LPA: variants seen among roughly 807,000 people sequenced by gnomAD.
LPA encodes the protein lipoprotein(a), also known as apolipoprotein(a).
In LPA, 199 loss-of-function variants were observed where a neutral mutation model predicts 197.9. That is an observed-to-expected ratio of 1.01 (90% CI 0.90 to 1.13). The LOEUF (loss-of-function observed/expected upper bound fraction) is 1.13, where lower values mean the gene tolerates loss of function less well. LPA is among the 50% of genes most tolerant of loss of function. LPA has a pLI of 0.00. For missense variants in LPA, 1,853 were observed against 1,785.8 expected (o/e 1.04, Z -0.68); for synonymous variants, 715 against 639.5 (o/e 1.12, Z -1.78).
Position 160,531,586 on chromosome 6 carries a change from AC to A in LPA, c.*142del. The stretch of plus-strand genomic sequence containing the variant: ...ACCTTAAAAGCTTATACACAAAAAT[AC>A]CAAAAATGCCAAGGTTTGGCATAGC... On this transcript the variant is annotated 3_prime_UTR_variant, in exon 39 of 39. Coordinates refer to ENST00000316300, the MANE Select transcript of LPA (RefSeq NM_005577.4). 9.0e-7 allele frequency: 1 copy of A among 1,116,192 alleles called. No homozygotes were observed. The highest frequency in any genetic ancestry group is 1.4e-5 in the South Asian group (1 of 73,946). The allele number at this position is 1,116,192 out of a possible 1,614,324, so 69.1% of individuals were successfully genotyped here. A position where few individuals can be genotyped will look rare whatever the true frequency, so the allele number is the denominator to read the frequency against.
chr6:160,575,773 C>A (rs902266784), intron 28 of LPA, among the ~76,000 whole-genome samples: 1 of 152,124 alleles, frequency 6.6e-6, no homozygotes, highest in Non-Finnish European at 1.5e-5. Context: ...TTATTCTTTC[C>A]CCAGTAGCTG....
intron 2 of LPA, 87 bp downstream of exon 2, chr6:160,650,251 A>C: frequency 1.5e-6 from 2 of 1,371,056 alleles, no homozygotes; most frequent in South Asian, 1.2e-5. Context: ...GAAAAATTTA[A>C]TCATAAGAAG....
In LPA at chr6:160,584,920, G is replaced by C. The variant is rs1778878152; in HGVS notation, c.4289+126C>G. On this transcript the variant is annotated intron_variant, in intron 26 of 38. Coordinates refer to ENST00000316300, the MANE Select transcript of LPA (RefSeq NM_005577.4). ...TTTTGCTCAAAAGTAAGTTTCCTGA[G>C]ACATTTTGCTACAAACTCTGAGTCT... The C allele has an allele frequency of 9.3e-6, 9 of 969,156 alleles. No homozygotes were observed. In the Admixed American group the frequency reaches 1.6e-4, roughly 17 times the overall value. The allele number at this position is 969,156 out of a possible 1,614,324, so 60.0% of individuals were successfully genotyped here. A position where few individuals can be genotyped will look rare whatever the true frequency, so the allele number is the denominator to read the frequency against.
intron 30 of LPA, among the ~76,000 whole-genome samples, chr6:160,550,009 T>C (rs144937700): frequency 6.6e-6 from 1 of 152,114 alleles, no homozygotes; most frequent in Non-Finnish European, 1.5e-5. Flanking sequence ...GATCACGAGG[T>C]CAACAGAGCG....
At chr6:160,662,231 TTTATA>T (rs1474272417) in intron 1 of LPA, among the ~76,000 whole-genome samples, 29 of 152,224 alleles carry the variant, frequency 1.9e-4, no homozygotes, top group African/African-American at 3.4e-4. Context: ...GAAAAATACT[TTTATA>T]TTATAGGCAA....
At chr6:160,601,392 G>T (rs1189542173) in intron 18 of LPA, among the ~76,000 whole-genome samples, 1 of 152,066 alleles carries the variant, frequency 6.6e-6, no homozygotes, top group African/African-American at 2.4e-5. Context: ...TCCTCCTTCT[G>T]CCTTCTGCCC....
intron 28 of LPA, among the ~76,000 whole-genome samples, chr6:160,565,519 T>G (rs1286139226): frequency 6.6e-6 from 1 of 152,180 alleles, no homozygotes; most frequent in Non-Finnish European, 1.5e-5. Context: ...AAACCCCATC[T>G]GTACATCACC....
chr6:160,555,716 T>C (rs1778251608), intron 30 of LPA, among the ~76,000 whole-genome samples: 1 of 152,064 alleles, frequency 6.6e-6, no homozygotes, highest in Middle Eastern at 3.4e-3. Context: ...AAAGAGTGCA[T>C]TGATCTTTTA....
chr6:160,566,943 A>G (rs1286949386), intron 28 of LPA, among the ~76,000 whole-genome samples: 1 of 152,246 alleles, frequency 6.6e-6, no homozygotes, highest in Non-Finnish European at 1.5e-5. Flanking sequence ...AGAAGAGCTA[A>G]CTATCCTAAA....
chr6:160,658,812 C>T (rs1294478102), intron 1 of LPA, among the ~76,000 whole-genome samples: 1 of 151,498 alleles, frequency 6.6e-6, no homozygotes, highest in Non-Finnish European at 1.5e-5. Flanking sequence ...CCTCAAGAAC[C>T]ACTTCTGGTA....
intron 1 of LPA, among the ~76,000 whole-genome samples, chr6:160,652,326 A>T (rs1780022600): frequency 6.6e-6 from 1 of 152,134 alleles, no homozygotes; most frequent in South Asian, 2.1e-4. Flanking sequence ...GAACTATTGA[A>T]TACAAAGAAA....
intron 1 of LPA, among the ~76,000 whole-genome samples, chr6:160,655,783 C>A (rs1323864293): frequency 1.3e-5 from 2 of 152,180 alleles, no homozygotes; most frequent in Non-Finnish European, 1.5e-5. Flanking sequence ...CTCACTGTAT[C>A]CAATCATCAT....
chr6:160,599,348 A>C (rs549471592), intron 20 of LPA, 152 bp downstream of exon 20: 1 of 1,246,210 alleles, frequency 8.0e-7, no homozygotes, highest in East Asian at 2.4e-5. Flanking sequence ...GTCTCAAAAA[A>C]ACAAAGTCTT....
At chr6:160,545,746 A>G (rs1778058756) in intron 32 of LPA, among the ~76,000 whole-genome samples, 1 of 152,136 alleles carries the variant, frequency 6.6e-6, no homozygotes, top group South Asian at 2.1e-4. Flanking sequence ...CCACACCCTT[A>G]ACCAGGGTGT....
At chr6:160,571,061 AT>A (rs1778553974) in intron 28 of LPA, among the ~76,000 whole-genome samples, 1 of 152,124 alleles carries the variant, frequency 6.6e-6, no homozygotes, top group Non-Finnish European at 1.5e-5. Context: ...GGATTTGTTC[AT>A]TCCTTTTCAT....
At chr6:160,556,369 A>C (rs1395780229) in intron 29 of LPA, among the ~76,000 whole-genome samples, 185 bp from the exon 30 acceptor site, 1 of 152,112 alleles carries the variant, frequency 6.6e-6, no homozygotes, top group Non-Finnish European at 1.5e-5. Context: ...ATAAGTTCTT[A>C]GAAATTTTAT....
chr6:160,655,876 A>G (rs549100603), intron 1 of LPA, among the ~76,000 whole-genome samples: 2 of 152,306 alleles, frequency 1.3e-5, no homozygotes, highest in South Asian at 4.1e-4. Context: ...ATTATGACAC[A>G]AAGCTGGAGA....
At position 160,606,479 on chromosome 6, in the gene LPA, T is replaced by C. The variant is rs754279604; in HGVS notation, c.2783A>G (p.Gln928Arg). Residue 928 changes from glutamine (Q) to arginine (R), a missense_variant and splice_region_variant, in exon 17 of 39, where the codon CAA becomes CGA. By Grantham distance (43) the Gln-to-Arg change is conservative. This residue lies in a region of LPA where 1,737 missense variants were observed against 1,504.4 expected (regional missense o/e 1.15). Transcript: ENST00000316300. ...GTTTCTGGCCACAGGCTCCTTACCT[T>C]GTTCAGAAGGAGCCTCTAGGCTTGG... ...PIPSLEAPSE[Q>R]APTEQRPGVQ... 2 of 1,613,364 alleles carry C rather than the reference T, an allele frequency of 1.2e-6. No homozygotes were observed. Among genetic ancestry groups the C allele is most frequent in the East Asian group, 4.5e-5 (2 of 44,862 alleles).
chr6:160,590,054 G>T (rs906742381), intron 23 of LPA, among the ~76,000 whole-genome samples: 1 of 152,154 alleles, frequency 6.6e-6, no homozygotes, highest in African/African-American at 2.4e-5. Context: ...TGCATCAGGC[G>T]GTGCAGGCTG....
Sources: gnomAD v4.1 joint callset for allele counts (sites outside exome capture counted in the v4.1 genomes callset) on GRCh38, gnomAD v4.1.1 for gene constraint, gnomAD v4.1.1 regional missense constraint, MANE v1.5 for transcripts, NCBI Gene and HGNC (gene_info 2026-07-23, HGNC 2026-07-21) for gene names.